Variants in JPH3 observed in about 807,000 individuals in gnomAD.
JPH3 encodes junctophilin-3.
Under a neutral mutation model 59.6 loss-of-function variants are expected in JPH3, and 11 were observed. The observed-to-expected ratio is 0.18, with a 90% CI of 0.12 to 0.31. The LOEUF (loss-of-function observed/expected upper bound fraction) is 0.31, where lower values mean the gene tolerates loss of function less well. Ranked by LOEUF, JPH3 falls within the 10% of genes least tolerant of loss-of-function variation. The pLI is 1.00. For synonymous variants in JPH3, 673 were observed against 483.6 expected, an observed-to-expected ratio of 1.39 and a Z score of -5.14; for missense variants, 1,202 against 1,105.7, an observed-to-expected ratio of 1.09 and a Z score of -1.24.
At chr16:87,613,151 C>A (rs1185276207) in intron 1 of JPH3, among the ~76,000 whole-genome samples, 1 of 137,582 alleles carries the variant, frequency 7.3e-6, no homozygotes. Context: ...GGCTGGAGTG[C>A]AGTGGCGCGA....
chr16:87,689,794 G>A lies in JPH3; in HGVS notation c.1434G>A (p.Gln478=), dbSNP rs1456597590. Residue 478 remains glutamine, a synonymous_variant, in exon 4 of 5, where the codon CAG becomes CAA. Transcript: ENST00000284262. ...TGACCCCCGACGACAGCCCCCTGCA[G>A]AGCTTCCCCACCAGCCCCGCGGCCA... ...SDLTPDDSPL[Q]SFPTSPAATP... 1.2e-6 allele frequency: 2 copies of A among 1,601,948 alleles called. No individual in the cohort carries two copies. Among genetic ancestry groups the A allele is most frequent in the East Asian group, 2.3e-5 (1 of 44,416 alleles).
intron 2 of JPH3, among the ~76,000 whole-genome samples, chr16:87,677,211 CACACACACACACACAAAAAAAA>C (rs2033168728): frequency 2.4e-5 from 3 of 124,136 alleles, no homozygotes; most frequent in Admixed American, 8.5e-5. Context: ...CACACACACA[CACACACACACACACAAAAAAAA>C]AAATTAGCCG....
At chr16:87,671,674 G>A (rs527830197) in intron 2 of JPH3, among the ~76,000 whole-genome samples, 31 of 151,814 alleles carry the variant, frequency 2.0e-4, no homozygotes, top group Admixed American at 1.1e-3. Context: ...CCCTGCACCC[G>A]GGCTCCCAGT....
At chr16:87,661,388 G>A (rs1378412966) in intron 2 of JPH3, among the ~76,000 whole-genome samples, 1 of 152,256 alleles carries the variant, frequency 6.6e-6, no homozygotes. Context: ...CATCTTTGAG[G>A]GCTGTGTTTC....
exon 1 of JPH3, among the ~76,000 whole-genome samples, chr16:87,602,489 GGCGCGCGCCGCGCGGCCCGA>G (rs1398620225): frequency 7.2e-6 from 1 of 138,480 alleles, no homozygotes; most frequent in Non-Finnish European, 1.6e-5. Flanking sequence ...GCGGGGTGCG[GGCGCGCGCCGCGCGGCCCGA>G]GCGCGCGAGC....
At chr16:87,620,555 C>T (rs964455478) in intron 1 of JPH3, among the ~76,000 whole-genome samples, 8 of 139,924 alleles carry the variant, frequency 5.7e-5, no homozygotes, top group South Asian at 2.3e-4. Context: ...GGAAGGGCTG[C>T]AGAGGGGGAA....
At chr16:87,625,018 C>G (rs1050313495) in intron 1 of JPH3, among the ~76,000 whole-genome samples, 5 of 152,162 alleles carry the variant, frequency 3.3e-5, no homozygotes, top group Non-Finnish European at 5.9e-5. Context: ...AGGCTGGTCT[C>G]GAACTCCTGA....
At position 87,677,310 on chromosome 16, in the gene JPH3, G is replaced by C. The variant is rs966594524; in HGVS notation, c.1161-6832G>C. On this transcript the variant is annotated intron_variant, in intron 2 of 4. Coordinates refer to ENST00000284262, the MANE Select transcript of JPH3 (RefSeq NM_020655.4). ...AGGCAGAAGAATTGCCTGAACCTGG[G>C]AGGCAGAGTTTGCAGTGAGCCGTGA... Among the ~76,000 whole-genome samples, 3 of 151,826 alleles carry C rather than the reference G, an allele frequency of 2.0e-5. No homozygotes were observed. In the South Asian group the frequency reaches 6.2e-4, roughly 32 times the overall value.
chr16:87,644,107 C>T (rs765714801), intron 1 of JPH3, 151 bp from the exon 2 acceptor site: 41 of 821,138 alleles, frequency 5.0e-5, no homozygotes, highest in Non-Finnish European at 6.8e-5. Context: ...CACTGCACTC[C>T]AGCCTGGGCA....
intron 1 of JPH3, among the ~76,000 whole-genome samples, chr16:87,609,296 T>G (rs989440312): frequency 6.6e-6 from 1 of 152,204 alleles, no homozygotes; most frequent in Non-Finnish European, 1.5e-5. Flanking sequence ...AGATGGAGTC[T>G]CACCCTGTAG....
At chr16:87,688,494 G>C (rs1363294153) in intron 3 of JPH3, among the ~76,000 whole-genome samples, 5 of 133,918 alleles carry the variant, frequency 3.7e-5, no homozygotes, top group African/African-American at 2.0e-4. Context: ...GCGTCTCCCA[G>C]ACCTTCTCCT....
In JPH3 at chr16:87,642,716, G is replaced by A. The variant is rs753024996; in HGVS notation, c.383-1542G>A. Among the ~76,000 whole-genome samples, 6 of 152,220 alleles carry A rather than the reference G, an allele frequency of 3.9e-5. No individual in the cohort carries two copies. In the East Asian group the frequency reaches 5.8e-4, roughly 15 times the overall value. On this transcript the variant is annotated intron_variant, in intron 1 of 4. Coordinates refer to ENST00000284262, the MANE Select transcript of JPH3 (RefSeq NM_020655.4). The stretch of plus-strand genomic sequence containing the variant: ...AGGCTTGAGGTTTGCCGCGTTGGGC[G>A]TCGTGCTGAGGCCCAGCCGTCCTCA...
rs1356941486 is a variant in JPH3, at chr16:87,602,548, ACCG to A, written c.-584_-582del. 0.013 allele frequency among the ~76,000 whole-genome samples: 1,648 copies of A among 131,514 alleles called. 36 individuals carry two copies. The highest frequency in any genetic ancestry group is 0.043 in the African/African-American group (1,562 of 36,172). 86.3% of individuals were successfully genotyped at this position (131,514 alleles called of 152,430 possible). On this transcript the variant is annotated 5_prime_UTR_variant, in exon 1 of 5. Transcript: ENST00000284262. The stretch of plus-strand genomic sequence containing the variant: ...GCCCGGAGCGCACGCCGCCGCCGCC[ACCG>A]CCGCCGCCGCCGCCCGAGCCGCCGC...
intron 1 of JPH3, among the ~76,000 whole-genome samples, chr16:87,633,298 ATT>A (rs2031623209): frequency 6.9e-6 from 1 of 144,486 alleles, no homozygotes; most frequent in African/African-American, 2.6e-5. Flanking sequence ...CAGTGCCTTC[ATT>A]TTTAACTCAG....
chr16:87,643,254 G>T (rs561344149), intron 1 of JPH3, among the ~76,000 whole-genome samples: 1 of 152,208 alleles, frequency 6.6e-6, no homozygotes, highest in Non-Finnish European at 1.5e-5. Context: ...ATGTTCCATC[G>T]TATGGACGGA....
chr16:87,658,606 C>A (rs1397354658), intron 2 of JPH3, among the ~76,000 whole-genome samples: 1 of 152,168 alleles, frequency 6.6e-6, no homozygotes, highest in African/African-American at 2.4e-5. Context: ...GAAACAGACC[C>A]AGGGCATGAT....
intron 2 of JPH3, among the ~76,000 whole-genome samples, chr16:87,665,333 A>G (rs1245752208): frequency 6.6e-6 from 1 of 152,160 alleles, no homozygotes; most frequent in Admixed American, 6.5e-5. Context: ...CCCATTGTGC[A>G]GGGTCTTGGG....
intron 1 of JPH3, among the ~76,000 whole-genome samples, chr16:87,624,991 G>T (rs923126518): frequency 6.6e-6 from 1 of 152,154 alleles, no homozygotes; most frequent in Non-Finnish European, 1.5e-5. Context: ...TAGAGACAGG[G>T]TATCAACATG....
At chr16:87,647,322 C>T (rs1054916452) in intron 2 of JPH3, among the ~76,000 whole-genome samples, 1 of 151,862 alleles carries the variant, frequency 6.6e-6, no homozygotes, top group African/African-American at 2.4e-5. Flanking sequence ...GGCCAGCCAG[C>T]CTTGGCATGG....
Sources: gnomAD v4.1 joint callset for allele counts (sites outside exome capture counted in the v4.1 genomes callset) on GRCh38, gnomAD v4.1.1 for gene constraint, MANE v1.5 for transcripts, NCBI Gene and HGNC (gene_info 2026-07-23, HGNC 2026-07-21) for gene names.